Variants in KCND2 observed in about 807,000 individuals in gnomAD.
KCND2 encodes the protein A-type voltage-gated potassium channel KCND2.
A neutral mutation model predicts 54.4 loss-of-function variants in KCND2; 16 were observed. The observed-to-expected ratio is 0.29, with a 90% CI of 0.20 to 0.45. The LOEUF (loss-of-function observed/expected upper bound fraction) is 0.45. Ranked by LOEUF, KCND2 falls within the 20% of genes least tolerant of loss-of-function variation. KCND2 has a pLI of 1.00. For synonymous variants in KCND2, 317 were observed against 310.7 expected (o/e 1.02, Z -0.21); for missense variants, 486 against 824.2 (o/e 0.59, Z 5.02).
chr7:120,584,381 T>C (rs918426768), intron 1 of KCND2, among the ~76,000 whole-genome samples: 4 of 152,244 alleles, frequency 2.6e-5, no homozygotes, highest in Admixed American at 2.6e-4. Context: ...TCCTTGCTGC[T>C]ATCCCTGCTG....
At chr7:120,588,402 A>AGAGT (rs146880503) in intron 1 of KCND2, among the ~76,000 whole-genome samples, 4,867 of 141,396 alleles carry the variant, frequency 0.034, 116 homozygotes, top group Admixed American at 0.065. Flanking sequence ...GCAACTGTGC[A>AGAGT]GTGTGTGTGT....
chr7:120,557,684 T>G (rs1248029431), intron 1 of KCND2, among the ~76,000 whole-genome samples: 1 of 152,138 alleles, frequency 6.6e-6, no homozygotes, highest in Non-Finnish European at 1.5e-5. Context: ...ATCTATATTG[T>G]TAATTGATTT....
chr7:120,619,045 C>T (rs1226669140), intron 1 of KCND2, among the ~76,000 whole-genome samples: 1 of 152,168 alleles, frequency 6.6e-6, no homozygotes, highest in Non-Finnish European at 1.5e-5. Flanking sequence ...TATTTACTTT[C>T]TCTCCCAAGG....
intron 1 of KCND2, among the ~76,000 whole-genome samples, chr7:120,646,548 A>G (rs1467696259): frequency 6.6e-6 from 1 of 152,014 alleles, no homozygotes; most frequent in Non-Finnish European, 1.5e-5. Context: ...ACCCTTCTTC[A>G]TGGTTTTTGC....
intron 1 of KCND2, among the ~76,000 whole-genome samples, chr7:120,596,066 C>A (rs1187461499): frequency 3.3e-5 from 5 of 152,066 alleles, no homozygotes; most frequent in Non-Finnish European, 7.4e-5. Context: ...CTCTTTATTA[C>A]TGTGATGTCA....
chr7:120,574,327 G>A (rs1792400282), intron 1 of KCND2, among the ~76,000 whole-genome samples: 1 of 152,110 alleles, frequency 6.6e-6, no homozygotes, highest in Admixed American at 6.6e-5. Flanking sequence ...AGAAATATTT[G>A]TCAGCAGCCA....
At chr7:120,443,532 G>A (rs1801974211) in intron 1 of KCND2, among the ~76,000 whole-genome samples, 1 of 151,756 alleles carries the variant, frequency 6.6e-6, no homozygotes, top group Admixed American at 6.6e-5. Context: ...CTCATTGCAG[G>A]TTTTCCCCCA....
chr7:120,419,498 T>C (rs1801577857), intron 1 of KCND2, among the ~76,000 whole-genome samples: 1 of 152,176 alleles, frequency 6.6e-6, no homozygotes, highest in South Asian at 2.1e-4. Context: ...TTGTAATCCA[T>C]TTGACCAAGC....
At chr7:120,322,495 A>C (rs1799904919) in intron 1 of KCND2, among the ~76,000 whole-genome samples, 1 of 152,292 alleles carries the variant, frequency 6.6e-6, no homozygotes, top group South Asian at 2.1e-4. Flanking sequence ...GTTTTAAGGA[A>C]TACAGTTCAT....
intron 1 of KCND2, among the ~76,000 whole-genome samples, chr7:120,715,689 A>G (rs563489533): frequency 1.3e-5 from 2 of 152,274 alleles, no homozygotes; most frequent in African/African-American, 4.8e-5. Flanking sequence ...CATGAGAAAG[A>G]TAAAGATCTT....
At chr7:120,411,655 T>C (rs1801451602) in intron 1 of KCND2, among the ~76,000 whole-genome samples, 1 of 152,094 alleles carries the variant, frequency 6.6e-6, no homozygotes, top group African/African-American at 2.4e-5. Flanking sequence ...GCAGAAAGTA[T>C]ATGAAAATAT....
At chr7:120,580,363 G>A (rs1792499757) in intron 1 of KCND2, among the ~76,000 whole-genome samples, 1 of 152,114 alleles carries the variant, frequency 6.6e-6, no homozygotes, top group African/African-American at 2.4e-5. Flanking sequence ...AAGGTGACAT[G>A]GTGCTGGAAA....
At chr7:120,592,081 C>T (rs1020281128) in intron 1 of KCND2, among the ~76,000 whole-genome samples, 4 of 152,040 alleles carry the variant, frequency 2.6e-5, no homozygotes, top group African/African-American at 7.2e-5. Flanking sequence ...AGTTTAATGG[C>T]GGTGGATGTA....
At chr7:120,294,312 A>G (rs922426243) in intron 1 of KCND2, among the ~76,000 whole-genome samples, 1 of 151,912 alleles carries the variant, frequency 6.6e-6, no homozygotes, top group Admixed American at 6.6e-5. Context: ...TATTGAATAC[A>G]AACAGTTGTA....
intron 1 of KCND2, among the ~76,000 whole-genome samples, chr7:120,379,548 G>A (rs1332956041): frequency 1.3e-5 from 2 of 152,036 alleles, no homozygotes; most frequent in South Asian, 4.1e-4. Flanking sequence ...CTTTCTTTAA[G>A]TCATTCTTAA....
At chr7:120,451,926 G>A (rs928452800) in intron 1 of KCND2, among the ~76,000 whole-genome samples, 1 of 152,186 alleles carries the variant, frequency 6.6e-6, no homozygotes, top group Admixed American at 6.5e-5. Context: ...GTCAACTTTA[G>A]CACTCTTCCT....
intron 1 of KCND2, among the ~76,000 whole-genome samples, chr7:120,432,666 A>T (rs184400824): frequency 6.6e-6 from 1 of 152,042 alleles, no homozygotes. Context: ...TTTTTTTGAG[A>T]TGGAGTCTCA....
chr7:120,632,658 T>G (rs1793252316), intron 1 of KCND2, among the ~76,000 whole-genome samples: 1 of 152,236 alleles, frequency 6.6e-6, no homozygotes, highest in Admixed American at 6.5e-5. Context: ...TTGTTCTCTA[T>G]GTAATGGACA....
chr7:120,681,248 T>C (rs992319564), intron 1 of KCND2, among the ~76,000 whole-genome samples: 1 of 152,050 alleles, frequency 6.6e-6, no homozygotes, highest in African/African-American at 2.4e-5. Context: ...AAATAACAGA[T>C]GTTTCAGTGT....
Sources: allele counts gnomAD v4.1 joint callset (sites outside exome capture counted in the v4.1 genomes callset), GRCh38; gene constraint gnomAD v4.1.1; transcripts MANE v1.5; gene names NCBI Gene and HGNC (gene_info 2026-07-23, HGNC 2026-07-21).